The following PLXDC2 variants were observed in gnomAD, a reference collection of about 807,000 sequenced individuals.
PLXDC2 encodes the protein plexin domain-containing protein 2.
PLXDC2 carries 40 observed loss-of-function variants against 68.9 expected under a neutral mutation model. That is an observed-to-expected ratio of 0.58 (90% confidence interval 0.45 to 0.76). The LOEUF is 0.76. Among genes scored for constraint, PLXDC2 ranks in the 30% least tolerant of loss-of-function variants. The pLI is 0.00. For missense variants in PLXDC2, 644 were observed against 661.9 expected, an observed-to-expected ratio of 0.97 and a Z score of 0.30; for synonymous variants, 243 against 234.2, an observed-to-expected ratio of 1.04 and a Z score of -0.34.
chr10:20,258,486 TC>T (rs1835771023), intron 13 of PLXDC2, among the ~76,000 whole-genome samples: 1 of 152,198 alleles, frequency 6.6e-6, no homozygotes, highest in Non-Finnish European at 1.5e-5. Context: ...TCACATTTTT[TC>T]CTGAAATTTA....
At chr10:20,034,215 A>G (rs1405044286) in intron 2 of PLXDC2, among the ~76,000 whole-genome samples, 1 of 152,178 alleles carries the variant, frequency 6.6e-6, no homozygotes, top group Non-Finnish European at 1.5e-5. Context: ...CAATCCCAGA[A>G]TTTCAATTAC....
intron 4 of PLXDC2, among the ~76,000 whole-genome samples, chr10:20,113,728 A>T (rs1215475898): frequency 6.6e-6 from 1 of 152,230 alleles, no homozygotes; most frequent in Non-Finnish European, 1.5e-5. Context: ...ATAAAAAAAC[A>T]GACACAGTTG....
At chr10:19,912,148 A>G (rs879662241) in intron 1 of PLXDC2, among the ~76,000 whole-genome samples, 2 of 152,214 alleles carry the variant, frequency 1.3e-5, no homozygotes, top group Non-Finnish European at 2.9e-5. Flanking sequence ...TCTAAAGGGA[A>G]TTTAGTCTGA....
At chr10:20,082,905 C>G (rs1836595711) in intron 4 of PLXDC2, among the ~76,000 whole-genome samples, 1 of 151,840 alleles carries the variant, frequency 6.6e-6, no homozygotes, top group Non-Finnish European at 1.5e-5. Context: ...AAACAGAACA[C>G]CACAGGATGC....
intron 1 of PLXDC2, among the ~76,000 whole-genome samples, chr10:19,959,766 C>A (rs964306369): frequency 6.6e-6 from 1 of 152,060 alleles, no homozygotes; most frequent in Admixed American, 6.6e-5. Context: ...CAAATGAAAC[C>A]CTAGGGACCC....
intron 1 of PLXDC2, among the ~76,000 whole-genome samples, chr10:19,966,243 GAT>G (rs1564641706): frequency 6.8e-6 from 1 of 147,152 alleles, no homozygotes; most frequent in East Asian, 2.0e-4. Context: ...CTTAAAATTA[GAT>G]ATGTGTATAT....
At chr10:19,879,513 A>G (rs1773369247) in intron 1 of PLXDC2, among the ~76,000 whole-genome samples, 1 of 152,168 alleles carries the variant, frequency 6.6e-6, no homozygotes, top group African/African-American at 2.4e-5. Context: ...ACACTTTGCC[A>G]AGTGCTTGTA....
At chr10:20,220,439 T>C (rs998733902) in intron 12 of PLXDC2, among the ~76,000 whole-genome samples, 14 of 152,200 alleles carry the variant, frequency 9.2e-5, no homozygotes, top group African/African-American at 3.4e-4. Flanking sequence ...ATATGGGTGG[T>C]CATTATATGT....
intron 1 of PLXDC2, among the ~76,000 whole-genome samples, chr10:19,954,376 T>C (rs915928583): frequency 2.0e-5 from 3 of 152,316 alleles, no homozygotes; most frequent in African/African-American, 7.2e-5. Context: ...TAAATGCTAT[T>C]TGAGAAGAAA....
At chr10:19,873,840 C>T (rs1029906452) in intron 1 of PLXDC2, among the ~76,000 whole-genome samples, 1 of 152,078 alleles carries the variant, frequency 6.6e-6, no homozygotes, top group South Asian at 2.1e-4. Flanking sequence ...TTTGGTACTC[C>T]CTAAAATGGT....
intron 12 of PLXDC2, among the ~76,000 whole-genome samples, chr10:20,219,699 A>G (rs1835185308): frequency 6.6e-6 from 1 of 152,186 alleles, no homozygotes; most frequent in African/African-American, 2.4e-5. Flanking sequence ...ATGTTTTTAG[A>G]AATAGATCTT....
intron 10 of PLXDC2, among the ~76,000 whole-genome samples, chr10:20,212,764 C>CT (rs1321231366): frequency 2.6e-5 from 4 of 152,078 alleles, no homozygotes; most frequent in African/African-American, 9.7e-5. Context: ...TATAACCAAC[C>CT]TTTTGGCATT....
At chr10:20,128,732 A>T (rs1341279713) in intron 4 of PLXDC2, among the ~76,000 whole-genome samples, 1 of 152,196 alleles carries the variant, frequency 6.6e-6, no homozygotes, top group African/African-American at 2.4e-5. Flanking sequence ...TTGATTCTAC[A>T]TATAGTATTT....
chr10:19,915,883 G>GAAA (rs1554844796), intron 1 of PLXDC2, among the ~76,000 whole-genome samples: 65 of 144,382 alleles, frequency 4.5e-4, no homozygotes, highest in Middle Eastern at 3.4e-3. Context: ...AGAAGAAGAA[G>GAAA]AAAAAAAACA....
intron 1 of PLXDC2, among the ~76,000 whole-genome samples, chr10:19,885,071 T>A (rs1386167004): frequency 3.3e-5 from 5 of 152,302 alleles, no homozygotes; most frequent in Non-Finnish European, 5.9e-5. Context: ...GATATCTCAT[T>A]GTGGTTTTGA....
chr10:20,193,596 T>C (rs1324278190), intron 9 of PLXDC2, among the ~76,000 whole-genome samples: 3 of 152,104 alleles, frequency 2.0e-5, no homozygotes, highest in African/African-American at 7.2e-5. Flanking sequence ...ATTTTACATA[T>C]GCTTACATAG....
intron 1 of PLXDC2, among the ~76,000 whole-genome samples, chr10:19,880,415 A>G (rs982960757): frequency 1.3e-5 from 2 of 152,220 alleles, no homozygotes; most frequent in Non-Finnish European, 2.9e-5. Flanking sequence ...GAGATTAACA[A>G]CAATAACTAA....
intron 13 of PLXDC2, among the ~76,000 whole-genome samples, chr10:20,265,694 T>C (rs991019082): frequency 6.6e-6 from 1 of 152,198 alleles, no homozygotes; most frequent in Non-Finnish European, 1.5e-5. Context: ...GATATAGATA[T>C]TTGTAGAAGA....
intron 9 of PLXDC2, among the ~76,000 whole-genome samples, chr10:20,198,508 A>T (rs939739147): frequency 3.3e-5 from 5 of 152,104 alleles, no homozygotes; most frequent in Admixed American, 3.3e-4. Flanking sequence ...TACTAATCTC[A>T]CAAGAGAAAT....
Sources: allele counts gnomAD v4.1 joint callset (sites outside exome capture counted in the v4.1 genomes callset), GRCh38; gene constraint gnomAD v4.1.1; transcripts MANE v1.5; gene names NCBI Gene and HGNC (gene_info 2026-07-23, HGNC 2026-07-21).